TMTC4: variants seen among roughly 807,000 people sequenced by gnomAD.
The protein encoded by TMTC4 is transmembrane O-mannosyltransferase targeting cadherins 4.
TMTC4 carries 65 observed loss-of-function variants against 86.0 expected under a neutral mutation model. The observed-to-expected ratio is 0.76, with a 90% CI of 0.62 to 0.93. The LOEUF is 0.93. Among genes scored for constraint, TMTC4 ranks in the 40% least tolerant of loss-of-function variants. The pLI is 0.00. For synonymous variants in TMTC4, 379 were observed against 382.5 expected (o/e 0.99, Z 0.11); for missense variants, 866 against 948.1 (o/e 0.91, Z 1.14).
chr13:100,658,999 A>G (rs1190710401), intron 5 of TMTC4, among the ~76,000 whole-genome samples: 1 of 152,198 alleles, frequency 6.6e-6, no homozygotes, highest in Admixed American at 6.5e-5. Flanking sequence ...CTTTTCTGAT[A>G]TTTGCATAAT....
At chr13:100,633,910 C>T (rs1343088492) in intron 12 of TMTC4, among the ~76,000 whole-genome samples, 1 of 152,176 alleles carries the variant, frequency 6.6e-6, no homozygotes, top group Non-Finnish European at 1.5e-5. Context: ...GAGGCTGAAG[C>T]AGACGGATCA....
At chr13:100,606,115 AATCT>A (rs879648525) in intron 18 of TMTC4, among the ~76,000 whole-genome samples, 3 of 152,204 alleles carry the variant, frequency 2.0e-5, no homozygotes, top group Admixed American at 2.0e-4. Context: ...AAAGAAGGAC[AATCT>A]GAGTTTCATC....
rs77239672 is a variant in TMTC4 at position 100,665,388 on chromosome 13, G to A, written c.220-1052C>T. 5.7e-3 allele frequency among the ~76,000 whole-genome samples: 868 copies of A among 152,322 alleles called. 13 individuals are homozygous for A. Among genetic ancestry groups the A allele is most frequent in the East Asian group, 0.02 (102 of 5,188 alleles). On this transcript the variant is annotated intron_variant, in intron 3 of 18. Transcript: ENST00000342624. ...TTGTCCATCAAGATTCTTCATCGCA[G>A]TAACCAAACTCTGATTAATTTAAAC...
rs939085799 is a variant in TMTC4, at chr13:100,624,102, G to A, written c.1836+1433C>T. The A allele has an allele frequency of 2.7e-4, 50 of 185,568 alleles. 1 individual carries two copies. The highest frequency in any genetic ancestry group is 5.7e-4 in the African/African-American group (24 of 41,846). The allele number at this position is 185,568 out of a possible 1,614,324, so 11.5% of individuals were successfully genotyped here. Reference sequence around the variant, plus strand: ...AGCACTTTCGGAGGCTGAGGCGGGCGGATCACGAGGTCAGGAGATCTAGAC... The same window carrying A: ...AGCACTTTCGGAGGCTGAGGCGGGCAGATCACGAGGTCAGGAGATCTAGAC... On this transcript the variant is annotated intron_variant, in intron 15 of 18. Coordinates refer to ENST00000342624, the MANE Select transcript of TMTC4 (RefSeq NM_032813.5).
At chr13:100,623,881 T>C (rs542218362) in intron 15 of TMTC4, 48 of 497,948 alleles carry the variant, frequency 9.6e-5, no homozygotes, top group African/African-American at 9.5e-4. Flanking sequence ...GCACCCACTA[T>C]TCTCTTGTTG....
intron 4 of TMTC4, among the ~76,000 whole-genome samples, chr13:100,663,824 G>T (rs992696525): frequency 6.6e-6 from 1 of 152,158 alleles, no homozygotes; most frequent in African/African-American, 2.4e-5. Context: ...GATTAACGGA[G>T]GGGGGATTGT....
At position 100,656,395 on chromosome 13, in the gene TMTC4, T is replaced by G. The variant is rs773623527; in HGVS notation, c.626A>C (p.Lys209Thr). Reference sequence around the variant, plus strand: ...AGAATGCTTACTTTCTCTAAATGCTTTACAGTAGCCAAGGAAAGATAACAA... The same window carrying G: ...AGAATGCTTACTTTCTCTAAATGCTGTACAGTAGCCAAGGAAAGATAACAA... ...FFLLSFLGYC[K>T]AFRESNKEGA... is the part of the protein sequence containing the mutation. Residue 209 changes from lysine (K) to threonine (T), a missense_variant, in exon 6 of 19, where the codon AAA becomes ACA. By Grantham distance (78) the Lys-to-Thr change is moderately conservative. Coordinates refer to ENST00000342624, the MANE Select transcript of TMTC4 (RefSeq NM_032813.5). The G allele has an allele frequency of 1.2e-6, 2 of 1,612,958 alleles. No individual in the cohort carries two copies. Among genetic ancestry groups the G allele is most frequent in the East Asian group, 4.5e-5 (2 of 44,854 alleles).
At chr13:100,675,037 G>A (rs1566660395), upstream of TMTC4, 2 of 985,540 alleles carry the variant, frequency 2.0e-6, no homozygotes, top group African/African-American at 1.7e-5. Context: ...GGCGCTAGTC[G>A]GCGGCGAAGG....
At chr13:100,608,442 G>A (rs1340108508) in intron 17 of TMTC4, among the ~76,000 whole-genome samples, 1 of 152,184 alleles carries the variant, frequency 6.6e-6, no homozygotes, top group Admixed American at 6.5e-5. Flanking sequence ...AGATTTCCAA[G>A]CCAGGGCAAC....
intron 15 of TMTC4, among the ~76,000 whole-genome samples, chr13:100,617,426 G>A (rs1878682583): frequency 6.6e-6 from 1 of 152,218 alleles, no homozygotes. Context: ...GTGAGCCACT[G>A]AGCTCAGCCT....
chr13:100,605,271 T>C lies in TMTC4; in HGVS notation c.2135-129A>G. ...TTCAAAAGTCAATTGTATGAAACAATATTGTTTGTACTGAAAACTCTATTT... is the reference window on the plus strand; with the variant it reads ...TTCAAAAGTCAATTGTATGAAACAACATTGTTTGTACTGAAAACTCTATTT... On this transcript the variant is annotated intron_variant, in intron 18 of 18. Coordinates refer to ENST00000342624, the MANE Select transcript of TMTC4 (RefSeq NM_032813.5). This position sits in a 1 kb window ranked among gnomAD's most constrained non-coding sequence, Gnocchi z 4.3. 1.8e-6 allele frequency: 2 copies of C among 1,104,588 alleles called. No individual in the cohort carries two copies. Among genetic ancestry groups the C allele is most frequent in the Non-Finnish European group, 2.6e-6 (2 of 783,094 alleles). The allele number at this position is 1,104,588 out of a possible 1,614,324, so 68.4% of individuals were successfully genotyped here. A position where few individuals can be genotyped will look rare whatever the true frequency, so the allele number is the denominator to read the frequency against.
At chr13:100,653,939 AAGACC>A (rs1884753912) in intron 6 of TMTC4, among the ~76,000 whole-genome samples, 1 of 152,174 alleles carries the variant, frequency 6.6e-6, no homozygotes, top group Non-Finnish European at 1.5e-5. Flanking sequence ...GTATTTTCCA[AAGACC>A]AAAGAGGCTG....
intron 1 of TMTC4, among the ~76,000 whole-genome samples, chr13:100,671,994 G>A (rs1235309776): frequency 2.0e-5 from 3 of 151,942 alleles, no homozygotes; most frequent in African/African-American, 7.3e-5. Flanking sequence ...CCGGCTGCAC[G>A]ACCTTGAACT....
chr13:100,645,059 G>A (rs1007882891), intron 6 of TMTC4, among the ~76,000 whole-genome samples: 17 of 152,086 alleles, frequency 1.1e-4, no homozygotes, highest in Middle Eastern at 3.4e-3. Flanking sequence ...TGATCCACCC[G>A]CCTCGGCCTC....
At chr13:100,626,289 T>G in intron 12 of TMTC4, 139 bp from the exon 13 acceptor site, 1 of 819,396 alleles carries the variant, frequency 1.2e-6, no homozygotes, top group Non-Finnish European at 2.0e-6. Flanking sequence ...GCTAAAACCC[T>G]ACAGGGGTTA....
chr13:100,620,297 ACT>A (rs1879279246), intron 15 of TMTC4, among the ~76,000 whole-genome samples: 2 of 151,184 alleles, frequency 1.3e-5, no homozygotes, highest in Middle Eastern at 3.4e-3. Context: ...TCTTACTCTC[ACT>A]CTCTCCTTCC....
chr13:100,611,665 T>G (rs1470496490), intron 17 of TMTC4, among the ~76,000 whole-genome samples: 1 of 152,214 alleles, frequency 6.6e-6, no homozygotes, highest in Non-Finnish European at 1.5e-5. Context: ...CAATCCCTTC[T>G]GGGGAGAATC....
At chr13:100,610,953 C>T (rs557627893) in intron 17 of TMTC4, among the ~76,000 whole-genome samples, 61 of 152,102 alleles carry the variant, frequency 4.0e-4, no homozygotes, top group Non-Finnish European at 6.0e-4. Context: ...AAAACTAAGC[C>T]CTCTTCAAAA....
At chr13:100,647,389 C>G (rs557517294) in intron 6 of TMTC4, among the ~76,000 whole-genome samples, 1 of 152,316 alleles carries the variant, frequency 6.6e-6, no homozygotes, top group East Asian at 1.9e-4. Flanking sequence ...CCATAGCTCA[C>G]TAGAAACCAA....
Sources: gnomAD v4.1 joint callset for allele counts (sites outside exome capture counted in the v4.1 genomes callset) on GRCh38, gnomAD v4.1.1 for gene constraint, Gnocchi (gnomAD v3.1) non-coding constraint, MANE v1.5 for transcripts, NCBI Gene and HGNC (gene_info 2026-07-23, HGNC 2026-07-21) for gene names.